ARSK: variants seen among roughly 807,000 people sequenced by gnomAD.
ARSK encodes arylsulfatase family member K, also known as arylsulfatase K.
In ARSK, 37 loss-of-function variants were observed where a neutral mutation model predicts 53.2. That is an observed-to-expected ratio of 0.70 (90% CI 0.54 to 0.92). The LOEUF (loss-of-function observed/expected upper bound fraction) is 0.92, where lower values mean the gene tolerates loss of function less well. Ranked by LOEUF, ARSK falls within the 40% of genes least tolerant of loss-of-function variation. The pLI is 0.00. For synonymous variants in ARSK, 208 were observed against 223.2 expected, an observed-to-expected ratio of 0.93 and a Z score of 0.61; for missense variants, 613 against 643.0, an observed-to-expected ratio of 0.95 and a Z score of 0.51.
At chr5:95,594,624 G>T (rs891473131) in intron 6 of ARSK, among the ~76,000 whole-genome samples, 2 of 152,154 alleles carry the variant, frequency 1.3e-5, no homozygotes, top group Non-Finnish European at 2.9e-5. Context: ...GGTGGATCAC[G>T]AGGTCAGGAG....
intron 6 of ARSK, 25 bp from the exon 7 acceptor site, chr5:95,600,822 A>ATATTTGGT (rs758060777): frequency 6.3e-7 from 1 of 1,574,852 alleles, no homozygotes; most frequent in East Asian, 2.2e-5. Flanking sequence ...CTATTTTAAG[A>ATATTTGGT]TATTTGGTTA....
chr5:95,556,190 G>GT, intron 1 of ARSK: 2 of 702,256 alleles, frequency 2.8e-6, no homozygotes, highest in Non-Finnish European at 5.2e-6. Flanking sequence ...ATCATATGTT[G>GT]TATTTCCTTT....
At chr5:95,574,685 G>A (rs933320675) in intron 3 of ARSK, among the ~76,000 whole-genome samples, 2 of 147,536 alleles carry the variant, frequency 1.4e-5, no homozygotes, top group South Asian at 2.1e-4. Context: ...TATTTAATCC[G>A]ATTATTAGAT....
chr5:95,558,729 A>G (rs1010772255), intron 1 of ARSK, among the ~76,000 whole-genome samples: 46 of 152,368 alleles, frequency 3.0e-4, no homozygotes, highest in African/African-American at 1.1e-3. Flanking sequence ...AACTACCAAC[A>G]AAGAGAAGCA....
At position 95,603,414 on chromosome 5, in the gene ARSK, C is replaced by T; in HGVS notation, c.1499C>T (p.Ser500Leu). Residue 500 changes from serine (S) to leucine (L), a missense_variant, in exon 8 of 8, where the codon TCA becomes TTA. Coordinates refer to ENST00000380009, the MANE Select transcript of ARSK (RefSeq NM_198150.3). ...AAACAAAGTATAGGACAGAATTATT[C>T]AAACGTTATAGCAAATCTTAGGTGG... ...KWKQSIGQNY[S>L]NVIANLRWHQ... The T allele has an allele frequency of 6.2e-7, 1 of 1,613,600 alleles. No individual in the cohort carries two copies. The highest frequency in any genetic ancestry group is 1.1e-5 in the South Asian group (1 of 91,002).
At chr5:95,599,726 A>G (rs1232157736) in intron 6 of ARSK, among the ~76,000 whole-genome samples, 2 of 152,188 alleles carry the variant, frequency 1.3e-5, no homozygotes, top group Non-Finnish European at 2.9e-5. Flanking sequence ...GGAAAATGGA[A>G]GCTACAAACT....
At position 95,597,910 on chromosome 5, in the gene ARSK, G is replaced by T. The variant is rs573532883; in HGVS notation, c.1097-2937G>T. ...CTCTGCCTCAAAAAAAAAAAGTGGG[G>T]GGCGGGTAATAGTGGCTATTTCATA... On this transcript the variant is annotated intron_variant, in intron 6 of 7. Coordinates refer to ENST00000380009, the MANE Select transcript of ARSK (RefSeq NM_198150.3). Among the ~76,000 whole-genome samples the T allele has an allele frequency of 6.7e-5, 10 of 149,866 alleles. 1 individual carries two copies. The highest frequency in any genetic ancestry group is 1.7e-4 in the African/African-American group (7 of 40,624).
intron 4 of ARSK, among the ~76,000 whole-genome samples, chr5:95,585,459 T>C (rs1749096119): frequency 6.6e-6 from 1 of 152,168 alleles, no homozygotes; most frequent in African/African-American, 2.4e-5. Context: ...GAAATTGTGG[T>C]ATATATACCA....
At chr5:95,580,450 G>C (rs1240765866) in intron 3 of ARSK, among the ~76,000 whole-genome samples, 1 of 152,194 alleles carries the variant, frequency 6.6e-6, no homozygotes, top group Non-Finnish European at 1.5e-5. Context: ...GTAAGAAGGG[G>C]CTGGATACAT....
chr5:95,566,423 T>G (rs760613325), intron 2 of ARSK, among the ~76,000 whole-genome samples: 1 of 152,222 alleles, frequency 6.6e-6, no homozygotes, highest in East Asian at 1.9e-4. Context: ...GAGGGAATAC[T>G]CATATTTCCT....
intron 1 of ARSK, among the ~76,000 whole-genome samples, chr5:95,564,742 A>C (rs747507940): frequency 1.3e-5 from 2 of 152,128 alleles, no homozygotes; most frequent in Non-Finnish European, 2.9e-5. Context: ...CTCAGCTGTC[A>C]TGGCACTCGG....
chr5:95,601,194 G>A, intron 7 of ARSK, 123 bp downstream of exon 7: 3 of 975,986 alleles, frequency 3.1e-6, no homozygotes, highest in Non-Finnish European at 4.5e-6. Context: ...CTCATGCTAG[G>A]ACGATCTACA....
In ARSK at chr5:95,586,583, A is replaced by G; in HGVS notation, c.721A>G (p.Ile241Val). Residue 241 changes from isoleucine (I) to valine (V), a missense_variant, in exon 5 of 8, where the codon ATC (isoleucine) becomes GTC (valine). By Grantham distance (29) the Ile-to-Val change is conservative. Coordinates refer to ENST00000380009, the MANE Select transcript of ARSK (RefSeq NM_198150.3). ...LEKVSHDAIKIPKWSPLSEMH... is the reference protein window; with the variant it reads ...LEKVSHDAIKVPKWSPLSEMH... Reference sequence around the variant, plus strand: ...TTAGGTGTCTCATGATGCCATCAAAATCCCAAAGTGGTCACCTTTGTCAGA... The same window carrying G: ...TTAGGTGTCTCATGATGCCATCAAAGTCCCAAAGTGGTCACCTTTGTCAGA... 6.2e-7 allele frequency: 1 copy of G among 1,612,234 alleles called. No individual in the cohort carries two copies. The highest frequency in any genetic ancestry group is 8.5e-7 in the Non-Finnish European group (1 of 1,179,418).
In ARSK at chr5:95,604,902, ATCT is replaced by A. The variant is rs1749474693; in HGVS notation, c.*1381_*1383del. 6.6e-6 allele frequency: 1 copy of A among 152,132 alleles called. No individual in the cohort carries two copies. Among genetic ancestry groups the A allele is most frequent in the African/African-American group, 2.4e-5 (1 of 41,424 alleles). 9.4% of individuals were successfully genotyped at this position (152,132 alleles called of 1,614,324 possible). A position where few individuals can be genotyped will look rare whatever the true frequency, so the allele number is the denominator to read the frequency against. ...GCTTTTTGTAAGAGATCCTGCAAAT[ATCT>A]TCTTTCCAGTTTGTCATTGTCATTT... On this transcript the variant is annotated 3_prime_UTR_variant, in exon 8 of 8. Coordinates refer to ENST00000380009, the MANE Select transcript of ARSK (RefSeq NM_198150.3).
intron 3 of ARSK, among the ~76,000 whole-genome samples, chr5:95,572,506 C>T (rs553304989): frequency 1.4e-4 from 21 of 152,264 alleles, no homozygotes; most frequent in South Asian, 4.1e-4. Flanking sequence ...GGGCCGGGCG[C>T]GGTGGCTCAC....
At chr5:95,565,495 C>A (rs1328111839) in intron 1 of ARSK, among the ~76,000 whole-genome samples, 1 of 152,138 alleles carries the variant, frequency 6.6e-6, no homozygotes, top group Non-Finnish European at 1.5e-5. Context: ...CTCATACATC[C>A]CAGAGAAGGC....
chr5:95,559,996 G>T (rs1331066501), intron 1 of ARSK, among the ~76,000 whole-genome samples: 1 of 152,170 alleles, frequency 6.6e-6, no homozygotes, highest in Non-Finnish European at 1.5e-5. Context: ...CTGTATACCA[G>T]ATCAGTGTAC....
rs1179594102 is a variant in ARSK at position 95,567,987 on chromosome 5, G to A, written c.354G>A (p.Arg118=). Residue 118 remains arginine, a synonymous_variant, in exon 3 of 8, where the codon AGG becomes AGA. Coordinates refer to ENST00000380009, the MANE Select transcript of ARSK (RefSeq NM_198150.3). ...CAACATGGATGGATGTCATGGAGAG[G>A]CATGGCTACCGAACACAGAAATTTG... ...NYTTWMDVME[R]HGYRTQKFGK... 7 of 1,613,872 alleles carry A rather than the reference G, an allele frequency of 4.3e-6. No individual in the cohort carries two copies. The highest frequency in any genetic ancestry group is 3.4e-6 in the Non-Finnish European group (4 of 1,179,870).
intron 1 of ARSK, among the ~76,000 whole-genome samples, chr5:95,557,332 TTG>T (rs1317595015): frequency 6.6e-6 from 1 of 152,108 alleles, no homozygotes; most frequent in Admixed American, 6.6e-5. Context: ...GAAAAATAAA[TTG>T]TGAGATCATA....
Sources: allele counts gnomAD v4.1 joint callset (sites outside exome capture counted in the v4.1 genomes callset), GRCh38; gene constraint gnomAD v4.1.1; transcripts MANE v1.5; gene names NCBI Gene and HGNC (gene_info 2026-07-23, HGNC 2026-07-21).